CAMK2D: variants seen among roughly 807,000 people sequenced by gnomAD.
The protein encoded by CAMK2D is calcium/calmodulin-dependent protein kinase type II subunit delta.
In CAMK2D, 37 loss-of-function variants were observed where a neutral mutation model predicts 84.0. The ratio of observed to expected loss-of-function variants is 0.44; its 90% CI spans 0.34 to 0.58. The LOEUF is 0.58. Ranked by LOEUF, CAMK2D falls within the 20% of genes least tolerant of loss-of-function variation. The probability of loss-of-function intolerance (pLI) is 0.02; values close to 1 mark genes in which losing one functional copy is unlikely to be tolerated. For missense variants in CAMK2D, 448 were observed against 652.5 expected, an observed-to-expected ratio of 0.69 and a Z score of 3.41; for synonymous variants, 202 against 212.5, an observed-to-expected ratio of 0.95 and a Z score of 0.43.
At chr4:113,749,703 T>C (rs547010265) in intron 2 of CAMK2D, among the ~76,000 whole-genome samples, 1 of 152,264 alleles carries the variant, frequency 6.6e-6, no homozygotes, top group Admixed American at 6.5e-5. Context: ...TAGCCCTCAT[T>C]AATGAGCCAC....
In CAMK2D at chr4:113,465,553, T is replaced by C. The variant is rs1216261957; in HGVS notation, c.1187A>G (p.Asn396Ser). 3.1e-6 allele frequency: 5 copies of C among 1,613,088 alleles called. No homozygotes were observed. The highest frequency in any genetic ancestry group is 2.7e-5 in the African/African-American group (2 of 75,034). ...CGTGTAGGCTTCAAAGTCCCCATTG[T>C]TGATAGCTTCGATCAGTTGTTCAGT... is the stretch of plus-strand genomic sequence containing the variant. ...KVTEQLIEAI[N>S]NGDFEAYTKI... The change falls in exon 17 of 21, where the codon AAC (asparagine) becomes AGC (serine). Residue 396 changes from asparagine (N) to serine (S), a missense_variant. By Grantham distance (46) the Asn-to-Ser change is conservative (BLOSUM62 1). This residue lies in a region of CAMK2D where 219 missense variants were observed against 272.1 expected (regional missense o/e 0.80). Coordinates refer to ENST00000511664, the MANE Select transcript of CAMK2D (RefSeq NM_001321571.2).
chr4:113,512,753 A>G (rs1263429237), intron 12 of CAMK2D, among the ~76,000 whole-genome samples: 1 of 152,088 alleles, frequency 6.6e-6, no homozygotes. Context: ...TTGTATTTTT[A>G]GTAGAGACGG....
intron 2 of CAMK2D, among the ~76,000 whole-genome samples, chr4:113,683,638 A>C (rs764405726): frequency 1.9e-4 from 29 of 152,306 alleles, no homozygotes; most frequent in Admixed American, 6.5e-4. Context: ...AGATGAAGTA[A>C]ATTTCAGATA....
intron 16 of CAMK2D, among the ~76,000 whole-genome samples, chr4:113,498,878 G>T (rs1364829007): frequency 6.6e-6 from 1 of 152,164 alleles, no homozygotes; most frequent in Non-Finnish European, 1.5e-5. Context: ...CCAAATTCAG[G>T]TGAGAAAGAC....
At position 113,761,311 on chromosome 4, in the gene CAMK2D, C is replaced by T. The variant is rs1424781418; in HGVS notation, c.-243G>A. 3 of 1,416,532 alleles carry T rather than the reference C, an allele frequency of 2.1e-6. No homozygotes were observed. Among genetic ancestry groups the T allele is most frequent in the Non-Finnish European group, 1.8e-6 (2 of 1,088,226 alleles). The allele number at this position is 1,416,532 out of a possible 1,614,324, so 87.7% of individuals were successfully genotyped here. A position where few individuals can be genotyped will look rare whatever the true frequency, so the allele number is the denominator to read the frequency against. The stretch of plus-strand genomic sequence containing the variant: ...GATCCTCCTCCTCCTGCGGGCCTCG[C>T]TTCCTTCTTCTCCACTGGACGCTCC... On this transcript the variant is annotated 5_prime_UTR_variant, in exon 1 of 21. Transcript: ENST00000511664.
intron 2 of CAMK2D, chr4:113,753,912 T>G: frequency 1.0e-6 from 1 of 984,412 alleles, no homozygotes; most frequent in African/African-American, 1.7e-5. Context: ...TGTCCTCCTT[T>G]AAGAGCCCAT....
intron 2 of CAMK2D, among the ~76,000 whole-genome samples, chr4:113,719,201 T>A (rs2099522810): frequency 6.6e-6 from 1 of 152,168 alleles, no homozygotes; most frequent in Non-Finnish European, 1.5e-5. Context: ...TGGACTGAGA[T>A]CCTGTACTAG....
chr4:113,548,774 G>T, intron 5 of CAMK2D: 1 of 890,670 alleles, frequency 1.1e-6, no homozygotes, highest in South Asian at 1.4e-5. Flanking sequence ...CATTTTAAAG[G>T]CACATAATCA....
At chr4:113,744,763 T>A (rs1277082984) in intron 2 of CAMK2D, among the ~76,000 whole-genome samples, 1 of 152,204 alleles carries the variant, frequency 6.6e-6, no homozygotes, top group Non-Finnish European at 1.5e-5. Flanking sequence ...AGCCACTTCT[T>A]GAATCTTGGC....
At chr4:113,496,183 G>A (rs2097926755) in intron 16 of CAMK2D, among the ~76,000 whole-genome samples, 1 of 152,210 alleles carries the variant, frequency 6.6e-6, no homozygotes, top group African/African-American at 2.4e-5. Flanking sequence ...CTGGCGAGGA[G>A]TGCAGTTTGT....
chr4:113,471,950 C>A (rs1228743626), intron 16 of CAMK2D, among the ~76,000 whole-genome samples: 6 of 152,196 alleles, frequency 3.9e-5, no homozygotes, highest in Admixed American at 3.9e-4. Context: ...CCAAGGGGCT[C>A]ACCTTTCCTC....
intron 2 of CAMK2D, among the ~76,000 whole-genome samples, chr4:113,710,105 A>G (rs1250690910): frequency 1.3e-5 from 2 of 151,976 alleles, no homozygotes; most frequent in Non-Finnish European, 2.9e-5. Context: ...ATTTCAGGAT[A>G]TTTAAAAACT....
intron 4 of CAMK2D, among the ~76,000 whole-genome samples, chr4:113,601,075 T>C (rs1404506161): frequency 2.0e-5 from 3 of 152,222 alleles, no homozygotes; most frequent in African/African-American, 7.2e-5. Context: ...AAATAGTATT[T>C]ATCACGAAGA....
chr4:113,540,577 CTAAT>C, intron 6 of CAMK2D, among the ~76,000 whole-genome samples: 1 of 152,278 alleles, frequency 6.6e-6, no homozygotes, highest in East Asian at 1.9e-4. Flanking sequence ...ATGCCTGGAG[CTAAT>C]TAATTAGTTC....
intron 16 of CAMK2D, among the ~76,000 whole-genome samples, chr4:113,479,228 T>C (rs776996375): frequency 1.3e-5 from 2 of 152,240 alleles, no homozygotes; most frequent in Non-Finnish European, 2.9e-5. Context: ...TAAGTAATTT[T>C]GCATAGATAT....
Position 113,551,797 on chromosome 4 carries a change from A to G in CAMK2D, c.341+234T>C, listed in dbSNP as rs1379265497. On this transcript the variant is annotated intron_variant, in intron 5 of 20. Transcript: ENST00000511664. The stretch of plus-strand genomic sequence containing the variant: ...TATTGCTTTAGCAGAAGTCATTCCA[A>G]TTAGGTGGGGTGTTTTGGTTTGTTT... 3.9e-5 allele frequency among the ~76,000 whole-genome samples: 6 copies of G among 152,258 alleles called. No homozygotes were observed. In the East Asian group the frequency reaches 7.7e-4, roughly 20 times the overall value.
At chr4:113,730,317 T>A (rs2099562270) in intron 2 of CAMK2D, among the ~76,000 whole-genome samples, 1 of 152,234 alleles carries the variant, frequency 6.6e-6, no homozygotes, top group Non-Finnish European at 1.5e-5. Context: ...GTCTTGTGTT[T>A]CAATAGTAGT....
intron 4 of CAMK2D, among the ~76,000 whole-genome samples, chr4:113,586,755 A>G (rs2098836124): frequency 6.6e-6 from 1 of 152,164 alleles, no homozygotes; most frequent in African/African-American, 2.4e-5. Context: ...TTGAGAGCTT[A>G]TAACATCCAG....
chr4:113,512,384 CTT>C (rs2098226643), intron 12 of CAMK2D, among the ~76,000 whole-genome samples: 2 of 152,164 alleles, frequency 1.3e-5, no homozygotes, highest in African/African-American at 4.8e-5. Context: ...ATTTAACAAA[CTT>C]ATTTTTACCA....
Sources: gnomAD v4.1 joint callset for allele counts (sites outside exome capture counted in the v4.1 genomes callset) on GRCh38, gnomAD v4.1.1 for gene constraint, gnomAD v4.1.1 regional missense constraint, MANE v1.5 for transcripts, NCBI Gene and HGNC (gene_info 2026-07-23, HGNC 2026-07-21) for gene names.